Variants in ADAMTSL1 observed in about 807,000 individuals in gnomAD.
The protein encoded by ADAMTSL1 is ADAMTS-like protein 1.
ADAMTSL1 carries 126 observed loss-of-function variants against 201.8 expected under a neutral mutation model. That is an observed-to-expected ratio of 0.62 (90% confidence interval 0.54 to 0.72). The LOEUF (loss-of-function observed/expected upper bound fraction) is 0.72. Among genes scored for constraint, ADAMTSL1 ranks in the 30% least tolerant of loss-of-function variants. The pLI, the probability that ADAMTSL1 is intolerant of heterozygous loss-of-function variation, is 0.00. For missense variants in ADAMTSL1, 2,679 were observed against 2,277.8 expected, an observed-to-expected ratio of 1.18 and a Z score of -3.59; for synonymous variants, 1,121 against 903.4, an observed-to-expected ratio of 1.24 and a Z score of -4.32.
chr9:18,526,213 T>A (rs1221946670), intron 2 of ADAMTSL1, among the ~76,000 whole-genome samples: 1 of 152,242 alleles, frequency 6.6e-6, no homozygotes, highest in African/African-American at 2.4e-5. Context: ...TCTTTGTCTC[T>A]TTTGATCTTT....
chr9:18,718,338 C>T (rs1187246169), intron 14 of ADAMTSL1: 8 of 741,584 alleles, frequency 1.1e-5, no homozygotes, highest in Non-Finnish European at 1.5e-5. Flanking sequence ...CCTTGCTATA[C>T]ATTGTTCCGT....
At chr9:18,906,593 A>C (rs1021606267) in intron 27 of ADAMTSL1, 99 bp from the exon 28 acceptor site, 30 of 991,376 alleles carry the variant, frequency 3.0e-5, no homozygotes, top group African/African-American at 5.0e-5. Flanking sequence ...GTTCTTGAGG[A>C]ACCACCTAAC....
At chr9:18,594,712 ACTCT>A (rs1264137101) in intron 4 of ADAMTSL1, among the ~76,000 whole-genome samples, 1 of 151,716 alleles carries the variant, frequency 6.6e-6, no homozygotes, top group Non-Finnish European at 1.5e-5. Flanking sequence ...TTTTGAATGA[ACTCT>A]CTGTCTCTTG....
chr9:18,869,693 T>A (rs1007989512), intron 23 of ADAMTSL1, among the ~76,000 whole-genome samples: 6 of 152,216 alleles, frequency 3.9e-5, no homozygotes, highest in Non-Finnish European at 5.9e-5. Flanking sequence ...ATCATTCACA[T>A]CATTGTTTCC....
At chr9:17,975,194 AT>A (rs1273297453) in intron 1 of ADAMTSL1, among the ~76,000 whole-genome samples, 4 of 151,530 alleles carry the variant, frequency 2.6e-5, no homozygotes, top group East Asian at 1.9e-4. Context: ...GTTCTTTGGC[AT>A]TTTTTAATTG....
intron 2 of ADAMTSL1, among the ~76,000 whole-genome samples, chr9:18,178,072 C>G (rs552239347): frequency 1.3e-5 from 2 of 152,174 alleles, no homozygotes; most frequent in Non-Finnish European, 2.9e-5. Context: ...CCAGCATGAG[C>G]GACGCAGAAG....
Position 18,574,051 on chromosome 9 carries a change from G to A in ADAMTSL1, c.259G>A (p.Asp87Asn). The change falls in exon 4 of 29, where the codon GAT becomes AAT. Residue 87 changes from aspartate (D) to asparagine (N), a missense_variant. Physicochemically the swap from Asp to Asn is conservative, Grantham distance 23. Transcript: ENST00000380548. ...SNVDCPPEAG[D>N]FRAQQCSAHN... ...CCAGGACTGCCCACCAGAAGCAGGT[G>A]ATTTCCGAGCTCAGCAATGCTCAGC... 6.2e-7 allele frequency: 1 copy of A among 1,613,698 alleles called. No individual in the cohort carries two copies. Among genetic ancestry groups the A allele is most frequent in the Non-Finnish European group, 8.5e-7 (1 of 1,179,730 alleles).
At chr9:18,441,988 TG>T (rs781473978) in intron 2 of ADAMTSL1, among the ~76,000 whole-genome samples, 1 of 152,220 alleles carries the variant, frequency 6.6e-6, no homozygotes, top group Non-Finnish European at 1.5e-5. Context: ...TACTTTGGGA[TG>T]GCTGGATGAT....
intron 2 of ADAMTSL1, among the ~76,000 whole-genome samples, chr9:18,349,916 A>G (rs1366326161): frequency 6.7e-6 from 1 of 149,052 alleles, no homozygotes; most frequent in Non-Finnish European, 1.5e-5. Context: ...TGCAAAAGTA[A>G]TGGCAAAAAC....
intron 2 of ADAMTSL1, among the ~76,000 whole-genome samples, chr9:18,388,175 C>A (rs1837881880): frequency 6.6e-6 from 1 of 151,722 alleles, no homozygotes; most frequent in Non-Finnish European, 1.5e-5. Context: ...AAATAGATAT[C>A]TGGATTTTGT....
At position 18,281,464 on chromosome 9, in the gene ADAMTSL1, T is replaced by C. The variant is rs142937073; in HGVS notation, c.207+117483T>C. Among the ~76,000 whole-genome samples, 3 of 152,276 alleles carry C rather than the reference T, an allele frequency of 2.0e-5. No homozygotes were observed. The East Asian group carries it at 5.8e-4, about 29-fold the overall frequency. Reference sequence around the variant, plus strand: ...CGTGCACAGACGATGAGAGGTCTCATGAAGCTTCGGTACAGTCTAGGACTC... The same window carrying C: ...CGTGCACAGACGATGAGAGGTCTCACGAAGCTTCGGTACAGTCTAGGACTC... On this transcript the variant is annotated intron_variant, in intron 2 of 29. Transcript: ENST00000680146.
intron 1 of ADAMTSL1, among the ~76,000 whole-genome samples, chr9:17,991,587 T>G (rs1819152614): frequency 6.6e-6 from 1 of 152,112 alleles, no homozygotes; most frequent in Admixed American, 6.6e-5. Flanking sequence ...ATTCCTTCTC[T>G]GGATGGCCCC....
chr9:18,137,594 A>G (rs763934145), intron 1 of ADAMTSL1, among the ~76,000 whole-genome samples: 4 of 152,196 alleles, frequency 2.6e-5, no homozygotes, highest in African/African-American at 9.6e-5. Flanking sequence ...TGGCTCTGCA[A>G]TAGACGAATT....
At chr9:18,585,604 A>G (rs1041483878) in intron 4 of ADAMTSL1, among the ~76,000 whole-genome samples, 1 of 152,140 alleles carries the variant, frequency 6.6e-6, no homozygotes, top group East Asian at 1.9e-4. Flanking sequence ...TTTCTGTGAG[A>G]CCAGCACCAT....
At chr9:18,265,474 A>G (rs950200557) in intron 2 of ADAMTSL1, among the ~76,000 whole-genome samples, 3 of 152,152 alleles carry the variant, frequency 2.0e-5, no homozygotes, top group African/African-American at 7.2e-5. Context: ...TTCTCCCACT[A>G]CATGAAGCCA....
intron 20 of ADAMTSL1, among the ~76,000 whole-genome samples, chr9:18,813,200 C>T (rs553760833): frequency 6.6e-6 from 1 of 152,194 alleles, no homozygotes; most frequent in Admixed American, 6.5e-5. Flanking sequence ...CTCTTGACCA[C>T]ATGATCCGCC....
chr9:18,694,687 G>A (rs1483296547), intron 13 of ADAMTSL1, among the ~76,000 whole-genome samples: 1 of 152,084 alleles, frequency 6.6e-6, no homozygotes, highest in Non-Finnish European at 1.5e-5. Context: ...TTGAGTGCCT[G>A]CAGCTTTTCT....
At chr9:18,606,540 T>G (rs1057422292) in intron 4 of ADAMTSL1, among the ~76,000 whole-genome samples, 1 of 152,206 alleles carries the variant, frequency 6.6e-6, no homozygotes, top group Admixed American at 6.5e-5. Flanking sequence ...CACTGTTTGC[T>G]TGAAAGTCCC....
intron 13 of ADAMTSL1, among the ~76,000 whole-genome samples, chr9:18,688,185 G>A (rs892648766): frequency 1.3e-5 from 2 of 151,414 alleles, no homozygotes; most frequent in South Asian, 2.1e-4. Context: ...ATGCAATGGC[G>A]TGATCTCGGC....
Sources: allele counts gnomAD v4.1 joint callset (sites outside exome capture counted in the v4.1 genomes callset), GRCh38; gene constraint gnomAD v4.1.1; transcripts MANE v1.5; gene names NCBI Gene and HGNC (gene_info 2026-07-23, HGNC 2026-07-21).